Variants in RNF2 observed in about 807,000 individuals in gnomAD.
RNF2 encodes E3 ubiquitin-protein ligase RING2.
A neutral mutation model predicts 37.2 loss-of-function variants in RNF2; 6 were observed. That is an observed-to-expected ratio of 0.16 (90% CI 0.09 to 0.32). RNF2 has a LOEUF of 0.32. Among genes scored for constraint, RNF2 ranks in the 10% least tolerant of loss-of-function variants. The pLI is 1.00. For synonymous variants in RNF2, 133 were observed against 132.7 expected (o/e 1.00, Z -0.02); for missense variants, 251 against 404.0 (o/e 0.62, Z 3.25).
At chr1:185,073,579 C>T (rs72739698) in intron 1 of RNF2, among the ~76,000 whole-genome samples, 23,470 of 152,104 alleles carry the variant, frequency 0.15, 2,115 homozygotes, top group East Asian at 0.35. Flanking sequence ...TTTAAAAGGA[C>T]ACATAAATGT....
At position 185,100,280 on chromosome 1, in the gene RNF2, A is replaced by C. The variant is rs1652041313; in HGVS notation, c.990A>C (p.Ala330=). 1.2e-6 allele frequency: 2 copies of C among 1,611,386 alleles called. No individual in the cohort carries two copies. Among genetic ancestry groups the C allele is most frequent in the Non-Finnish European group, 1.7e-6 (2 of 1,179,128 alleles). The change falls in exon 7 of 7, where the codon GCA becomes GCC. Residue 330 remains alanine (A), a synonymous_variant. Coordinates refer to ENST00000367510, the MANE Select transcript of RNF2 (RefSeq NM_007212.4). ...ACAAACCCATGGAACTTTATTACGCACCTACAAAGGAGCACAAATGAGCCT... is the reference window on the plus strand; with the variant it reads ...ACAAACCCATGGAACTTTATTACGCCCCTACAAAGGAGCACAAATGAGCCT... The part of the protein sequence containing the change: ...KVNKPMELYY[A]PTKEHK
intron 1 of RNF2, among the ~76,000 whole-genome samples, chr1:185,081,000 T>G (rs867658282): frequency 6.6e-6 from 1 of 152,226 alleles, no homozygotes; most frequent in Non-Finnish European, 1.5e-5. Context: ...TTTTAGAAAT[T>G]CCTCCTGAGT....
chr1:185,056,322 A>G (rs1242518851), intron 1 of RNF2, among the ~76,000 whole-genome samples: 1 of 151,770 alleles, frequency 6.6e-6, no homozygotes, highest in Non-Finnish European at 1.5e-5. Context: ...GTGAAAAAAA[A>G]TTTTACAAGA....
intron 1 of RNF2, among the ~76,000 whole-genome samples, chr1:185,075,315 A>G (rs1441788531): frequency 6.6e-6 from 1 of 152,082 alleles, no homozygotes; most frequent in Admixed American, 6.5e-5. Context: ...ATGTCCATAG[A>G]GATTCTGTAA....
At chr1:185,066,362 T>A (rs1650799242) in intron 1 of RNF2, among the ~76,000 whole-genome samples, 1 of 152,236 alleles carries the variant, frequency 6.6e-6, no homozygotes, top group Admixed American at 6.5e-5. Flanking sequence ...CATGCCATGC[T>A]GAGTGTACCT....
chr1:185,076,001 C>T (rs575847289), intron 1 of RNF2, among the ~76,000 whole-genome samples: 8 of 152,184 alleles, frequency 5.3e-5, no homozygotes, highest in African/African-American at 1.9e-4. Context: ...GTGTTAATTA[C>T]TCATCATTTT....
At chr1:185,055,747 T>C (rs919668717) in intron 1 of RNF2, among the ~76,000 whole-genome samples, 9 of 152,198 alleles carry the variant, frequency 5.9e-5, no homozygotes, top group African/African-American at 1.7e-4. Context: ...ATGAGAGTTA[T>C]ATCAGATTCA....
intron 1 of RNF2, among the ~76,000 whole-genome samples, chr1:185,058,338 A>T (rs768397503): frequency 6.6e-6 from 1 of 151,672 alleles, no homozygotes; most frequent in Non-Finnish European, 1.5e-5. Context: ...TATCTTCAGA[A>T]CCCCATGGAT....
At position 185,098,086 on chromosome 1, in the gene RNF2, A is replaced by C; in HGVS notation, c.479A>C (p.Lys160Thr). The C allele has an allele frequency of 6.2e-7, 1 of 1,614,076 alleles. No homozygotes were observed. Among genetic ancestry groups the C allele is most frequent in the Non-Finnish European group, 8.5e-7 (1 of 1,179,960 alleles). ...IQAMNRLQRG[K>T]KQQIENGSGA... ...CCCTTGACTAGACTGCAGCGAGGCA[A>C]GAAACAACAGATTGAAAATGGTAGT... The change falls in exon 5 of 7, where the codon AAG (lysine) becomes ACG (threonine). Residue 160 changes from lysine to threonine, a missense_variant. This residue lies in a region of RNF2 where 94 missense variants were observed against 99.2 expected (regional missense o/e 0.95). Coordinates refer to ENST00000367510, the MANE Select transcript of RNF2 (RefSeq NM_007212.4).
At chr1:185,054,434 G>A (rs553048410) in intron 1 of RNF2, among the ~76,000 whole-genome samples, 11 of 152,312 alleles carry the variant, frequency 7.2e-5, no homozygotes, top group African/African-American at 2.6e-4. Flanking sequence ...GGCACGTCTG[G>A]TGATAGCTGG....
At chr1:185,076,316 A>G (rs1571311439) in intron 1 of RNF2, among the ~76,000 whole-genome samples, 1 of 45,168 alleles carries the variant, frequency 2.2e-5, no homozygotes, top group Non-Finnish European at 4.5e-5. Context: ...TTTGAGACAG[A>G]GTCTCATTCT....
rs751001811 is a variant in RNF2 at position 185,098,052 on chromosome 1, C to CT, written c.465-14dup. ...GGCCTAAAAGTAAATTTTATGCATC[C>CT]TTTTTTCCCCCTTGACTAGACTGCA... On this transcript the variant is annotated intron_variant, in intron 4 of 6. Transcript: ENST00000367510. 1.9e-5 allele frequency: 30 copies of CT among 1,606,502 alleles called. No homozygotes were observed. In the Admixed American group the frequency reaches 4.9e-4, roughly 26 times the overall value.
chr1:185,081,542 T>C (rs1021788351), intron 1 of RNF2, among the ~76,000 whole-genome samples: 4 of 128,972 alleles, frequency 3.1e-5, no homozygotes, highest in African/African-American at 1.1e-4. Flanking sequence ...TACAGGTGTG[T>C]GCCACCATGC....
chr1:185,086,748 AG>A (rs1651610408), intron 1 of RNF2, among the ~76,000 whole-genome samples: 1 of 152,224 alleles, frequency 6.6e-6, no homozygotes, highest in Non-Finnish European at 1.5e-5. Flanking sequence ...TCATGAGTGA[AG>A]CTGTGAAAAG....
intron 1 of RNF2, among the ~76,000 whole-genome samples, chr1:185,048,834 C>T (rs1571288388): frequency 1.3e-5 from 2 of 152,098 alleles, no homozygotes; most frequent in East Asian, 3.9e-4. Flanking sequence ...TTCAGCTAAG[C>T]TTTGGTGTTG....
intron 2 of RNF2, among the ~76,000 whole-genome samples, chr1:185,088,374 T>TGGA (rs1473458475): frequency 1.3e-5 from 2 of 151,930 alleles, no homozygotes. Flanking sequence ...CTTACCAACA[T>TGGA]GGAGAAACCC....
At chr1:185,087,687 G>T in intron 2 of RNF2, 47 bp downstream of exon 2, 1 of 1,356,430 alleles carries the variant, frequency 7.4e-7, no homozygotes, top group South Asian at 1.2e-5. Context: ...CGTGTAAACT[G>T]GGATACATTT....
At chr1:185,078,938 G>A (rs553435842) in intron 1 of RNF2, among the ~76,000 whole-genome samples, 5 of 152,304 alleles carry the variant, frequency 3.3e-5, no homozygotes, top group Admixed American at 2.6e-4. Flanking sequence ...CAGCTACTTG[G>A]GAGGCTGAGG....
At chr1:185,062,447 A>G (rs1247412060) in intron 1 of RNF2, among the ~76,000 whole-genome samples, 1 of 152,130 alleles carries the variant, frequency 6.6e-6, no homozygotes, top group East Asian at 1.9e-4. Flanking sequence ...ATAGCATGCT[A>G]ACTTATCAGT....
Sources: gnomAD v4.1 joint callset for allele counts (sites outside exome capture counted in the v4.1 genomes callset) on GRCh38, gnomAD v4.1.1 for gene constraint, gnomAD v4.1.1 regional missense constraint, MANE v1.5 for transcripts, NCBI Gene and HGNC (gene_info 2026-07-23, HGNC 2026-07-21) for gene names.